MAPK8IP3: variants seen among roughly 807,000 people sequenced by gnomAD.
The protein encoded by MAPK8IP3 is C-Jun-amino-terminal kinase-interacting protein 3.
MAPK8IP3 carries 49 observed loss-of-function variants against 157.8 expected under a neutral mutation model. The observed-to-expected ratio is 0.31, with a 90% CI of 0.25 to 0.39. The LOEUF is 0.39. MAPK8IP3 is among the 10% of genes least tolerant of loss of function. The pLI is 1.00. For missense variants in MAPK8IP3, 1,478 were observed against 1,889.4 expected (o/e 0.78, Z 4.04); for synonymous variants, 897 against 777.7 (o/e 1.15, Z -2.55).
intron 1 of MAPK8IP3, among the ~76,000 whole-genome samples, chr16:1,711,497 A>G (rs908352184): frequency 1.3e-5 from 2 of 152,136 alleles, no homozygotes; most frequent in Non-Finnish European, 2.9e-5. Context: ...GAGGGGCACA[A>G]GATTTTTGGA....
At position 1,724,635 on chromosome 16, in the gene MAPK8IP3, A is replaced by G. The variant is rs1430199469; in HGVS notation, c.397A>G (p.Thr133Ala). ...QIQVEHYEFQ[T>A]RQLELKAKNY... ...CCAGGTGGAGCACTACGAGTTCCAG[A>G]CGCGCCAGCTGGAGCTGAAGGCCAA... Residue 133 changes from threonine (T) to alanine (A), a missense_variant, in exon 2 of 32, where the codon ACG becomes GCG. Around this residue, in one of 11 missense-constraint regions of MAPK8IP3, gnomAD observed 65 missense variants for 161.8 expected, o/e 0.40. Transcript: ENST00000610761. The surrounding 1 kb of genome is among the most constrained non-coding windows in gnomAD (Gnocchi z 4.1). 7 of 1,613,650 alleles carry G rather than the reference A, an allele frequency of 4.3e-6. No homozygotes were observed. The highest frequency in any genetic ancestry group is 5.9e-6 in the Non-Finnish European group (7 of 1,179,982).
Position 1,768,292 on chromosome 16 carries a change from G to C in MAPK8IP3, c.3656G>C (p.Ser1219Thr), listed in dbSNP as rs764610537. 5.6e-6 allele frequency: 9 copies of C among 1,610,844 alleles called. No homozygotes were observed. Among genetic ancestry groups the C allele is most frequent in the Non-Finnish European group, 7.6e-6 (9 of 1,180,010 alleles). ...GDDSSDRAAS[S>T]FIPYCSMAQA... ...GACAGCAGTGACAGGGCGGCCAGCA[G>C]CTTCATCCCCTACTGCTCCATGGCC... The change falls in exon 30 of 32, where the codon AGC (serine) becomes ACC (threonine). Residue 1219 changes from serine to threonine, a missense_variant. Ser to Thr is a moderately conservative substitution (Grantham distance 58). Transcript: ENST00000610761.
chr16:1,768,890 G>C lies in MAPK8IP3; in HGVS notation c.*66G>C, dbSNP rs1372222298. 55 of 1,577,368 alleles carry C rather than the reference G, an allele frequency of 3.5e-5. No homozygotes were observed. Among genetic ancestry groups the C allele is most frequent in the Middle Eastern group, 1.9e-4 (1 of 5,252 alleles). ...CGACCACCTGACCCCCGCCCGGCCC[G>C]CGGGGTAGCCAGCCAGGCGCCGCCG... On this transcript the variant is annotated 3_prime_UTR_variant, in exon 32 of 32. Coordinates refer to ENST00000610761, the MANE Select transcript of MAPK8IP3 (RefSeq NM_001318852.2).
intron 1 of MAPK8IP3, among the ~76,000 whole-genome samples, chr16:1,712,784 G>A (rs930169562): frequency 7.2e-5 from 11 of 152,142 alleles, no homozygotes; most frequent in Non-Finnish European, 1.3e-4. Flanking sequence ...GGGTTTATCT[G>A]GCTAGTTCCC....
At chr16:1,748,142 C>T (rs1437940780) in intron 6 of MAPK8IP3, 102 bp from the exon 7 acceptor site, 2 of 844,220 alleles carry the variant, frequency 2.4e-6, no homozygotes, top group African/African-American at 3.3e-5. Context: ...AGCAGGTGGT[C>T]CAGCTCCAGC....
chr16:1,764,237 C>G (rs746816807), intron 18 of MAPK8IP3, 27 bp downstream of exon 18: 2 of 1,604,540 alleles, frequency 1.2e-6, no homozygotes, highest in Non-Finnish European at 1.7e-6. Context: ...CCCGCTCAGG[C>G]TGGCTGGGCG....
At chr16:1,765,624 C>T in intron 20 of MAPK8IP3, among the ~76,000 whole-genome samples, 1 of 152,184 alleles carries the variant, frequency 6.6e-6, no homozygotes, top group East Asian at 1.9e-4. Flanking sequence ...CGAAGGGGTG[C>T]CGAGGGCTCT....
In MAPK8IP3 at chr16:1,770,306, C is replaced by T. The variant is rs568938623; in HGVS notation, c.*1482C>T. ...TATCTGCTCTGTATGTAATAAATGT[C>T]TTAACGTCGTAGCTGCCTGTTCCTG... On this transcript the variant is annotated 3_prime_UTR_variant, in exon 32 of 32. Coordinates refer to ENST00000610761, the MANE Select transcript of MAPK8IP3 (RefSeq NM_001318852.2). 2.6e-3 allele frequency: 698 copies of T among 266,252 alleles called. 2 individuals carry two copies. Among genetic ancestry groups the T allele is most frequent in the South Asian group, 4.6e-3 (39 of 8,536 alleles). 16.5% of individuals were successfully genotyped at this position (266,252 alleles called of 1,614,324 possible). A position where few individuals can be genotyped will look rare whatever the true frequency, so the allele number is the denominator to read the frequency against.
rs1025434555 is a variant in MAPK8IP3 at position 1,742,294 on chromosome 16, C to T, written c.603-1038C>T. On this transcript the variant is annotated intron_variant, in intron 4 of 31. Transcript: ENST00000610761. The surrounding 1 kb of genome is among the most constrained non-coding windows in gnomAD (Gnocchi z 5.0). ...CATCCCTGCTCTTGCTTATGGCCCA[C>T]AGGAGGTCATCCCTAGGGACTGAGC... is the stretch of plus-strand genomic sequence containing the variant. 6.6e-6 allele frequency among the ~76,000 whole-genome samples: 1 copy of T among 152,148 alleles called. No individual in the cohort carries two copies. The highest frequency in any genetic ancestry group is 1.5e-5 in the Non-Finnish European group (1 of 68,022).
chr16:1,732,870 G>A lies in MAPK8IP3; in HGVS notation c.602+3292G>A, dbSNP rs530364156. ...CAAGAATGGGCAGCGCCAGCCATCC[G>A]CCCACCTGGAGCACCATGAGAACTA... On this transcript the variant is annotated intron_variant, in intron 4 of 31. Coordinates refer to ENST00000610761, the MANE Select transcript of MAPK8IP3 (RefSeq NM_001318852.2). 5.9e-5 allele frequency among the ~76,000 whole-genome samples: 9 copies of A among 152,206 alleles called. No homozygotes were observed. The South Asian group carries it at 1.5e-3, about 25-fold the overall frequency.
At chr16:1,744,236 G>A in intron 5 of MAPK8IP3, 1 of 985,606 alleles carries the variant, frequency 1.0e-6, no homozygotes. Flanking sequence ...CCCGGGTCTG[G>A]TGGATTTCCC....
intron 1 of MAPK8IP3, among the ~76,000 whole-genome samples, chr16:1,711,529 C>T (rs548730708): frequency 2.0e-5 from 3 of 152,144 alleles, no homozygotes; most frequent in Non-Finnish European, 4.4e-5. Flanking sequence ...CCCAGGTTCC[C>T]ATTTATTACC....
At chr16:1,727,022 C>T (rs1310333526) in intron 2 of MAPK8IP3, among the ~76,000 whole-genome samples, 1 of 149,498 alleles carries the variant, frequency 6.7e-6, no homozygotes, top group Non-Finnish European at 1.5e-5. Context: ...GTGCTGTGTG[C>T]GGCATCTGTG....
rs554463549 is a variant in MAPK8IP3 at position 1,757,187 on chromosome 16, G to C, written c.1217-961G>C. ...GTGGCGTGATCTCAGCTCACTGCAA[G>C]CTCTGCCTCCCGGGTTCAGCCACTC... On this transcript the variant is annotated intron_variant, in intron 8 of 31. Coordinates refer to ENST00000610761, the MANE Select transcript of MAPK8IP3 (RefSeq NM_001318852.2). Among the ~76,000 whole-genome samples the C allele has an allele frequency of 5.3e-5, 8 of 152,108 alleles. No individual in the cohort carries two copies. In the South Asian group the frequency reaches 1.5e-3, roughly 28 times the overall value.
chr16:1,745,382 G>A (rs1347022858), intron 5 of MAPK8IP3: 1 of 155,918 alleles, frequency 6.4e-6, no homozygotes, highest in African/African-American at 2.4e-5. Context: ...GGGTAGACAG[G>A]TTCTTTGAGA....
intron 4 of MAPK8IP3, among the ~76,000 whole-genome samples, chr16:1,739,952 G>A (rs1443456136): frequency 1.5e-5 from 2 of 130,016 alleles, no homozygotes; most frequent in South Asian, 3.1e-4. Context: ...GTGAGCATCC[G>A]TGTGACCGTC....
chr16:1,710,942 AG>A lies in MAPK8IP3; in HGVS notation c.318+4287del, dbSNP rs2037728773. On this transcript the variant is annotated intron_variant, in intron 1 of 31. Transcript: ENST00000610761. The surrounding 1 kb of genome is among the most constrained non-coding windows in gnomAD (Gnocchi z 4.1). ...ATACATGTAGGAACCATGGAGAAGG[AG>A]GTACCTGCCAGCCAGAGAGAACACG... Among the ~76,000 whole-genome samples the A allele has an allele frequency of 1.3e-5, 2 of 152,198 alleles. No individual in the cohort carries two copies. Among genetic ancestry groups the A allele is most frequent in the Non-Finnish European group, 2.9e-5 (2 of 68,030 alleles).
intron 8 of MAPK8IP3, among the ~76,000 whole-genome samples, chr16:1,755,807 G>A (rs1266959077): frequency 2.0e-5 from 3 of 148,372 alleles, no homozygotes; most frequent in Admixed American, 6.7e-5. Flanking sequence ...AGCCAAGATC[G>A]CGCCGTTGCA....
chr16:1,766,994 G>C, intron 25 of MAPK8IP3, 23 bp downstream of exon 25: 1 of 1,574,522 alleles, frequency 6.4e-7, no homozygotes, highest in Non-Finnish European at 8.6e-7. Flanking sequence ...AGCACGGGGT[G>C]TGTGGGTGGC....
Sources: gnomAD v4.1 joint callset for allele counts (sites outside exome capture counted in the v4.1 genomes callset) on GRCh38, gnomAD v4.1.1 for gene constraint, gnomAD v4.1.1 regional missense constraint, Gnocchi (gnomAD v3.1) non-coding constraint, MANE v1.5 for transcripts, NCBI Gene and HGNC (gene_info 2026-07-23, HGNC 2026-07-21) for gene names.